The following PDZRN3 variants were observed in gnomAD, a reference collection of about 807,000 sequenced individuals.
The protein encoded by PDZRN3 is E3 ubiquitin-protein ligase PDZRN3.
A neutral mutation model predicts 85.7 loss-of-function variants in PDZRN3; 38 were observed. The ratio of observed to expected loss-of-function variants is 0.44; its 90% CI spans 0.34 to 0.58. PDZRN3 has a LOEUF of 0.58. PDZRN3 is among the 20% of genes least tolerant of loss of function. The pLI is 0.01. For synonymous variants in PDZRN3, 759 were observed against 638.0 expected (o/e 1.19, Z -2.86); for missense variants, 1,629 against 1,506.4 (o/e 1.08, Z -1.35).
chr3:73,579,834 G>C (rs1559746794), intron 3 of PDZRN3, among the ~76,000 whole-genome samples: 2 of 152,146 alleles, frequency 1.3e-5, no homozygotes, highest in Non-Finnish European at 2.9e-5. Flanking sequence ...GTCTCTGTGT[G>C]TGTGTGTGTG....
intron 3 of PDZRN3, among the ~76,000 whole-genome samples, chr3:73,463,339 G>A (rs775730469): frequency 2.6e-5 from 4 of 152,218 alleles, no homozygotes; most frequent in Non-Finnish European, 5.9e-5. Context: ...CTGAAAAGGT[G>A]TTGTCCCTGA....
intron 3 of PDZRN3, among the ~76,000 whole-genome samples, chr3:73,414,113 T>C (rs1702029238): frequency 6.6e-6 from 1 of 152,140 alleles, no homozygotes; most frequent in Non-Finnish European, 1.5e-5. Flanking sequence ...ACAAAAGTAA[T>C]GTCAGTCATG....
chr3:73,410,932 A>C (rs1366986171), intron 3 of PDZRN3, among the ~76,000 whole-genome samples: 1 of 152,212 alleles, frequency 6.6e-6, no homozygotes, highest in Admixed American at 6.5e-5. Context: ...ACAGGTGATA[A>C]TTTGAAGCAG....
intron 3 of PDZRN3, among the ~76,000 whole-genome samples, chr3:73,591,017 A>C (rs1040828625): frequency 6.6e-6 from 1 of 152,176 alleles, no homozygotes; most frequent in African/African-American, 2.4e-5. Context: ...GATCAAACTG[A>C]TATTTTGTCA....
intron 3 of PDZRN3, among the ~76,000 whole-genome samples, chr3:73,472,156 A>G (rs1703356538): frequency 6.6e-6 from 1 of 152,222 alleles, no homozygotes; most frequent in South Asian, 2.1e-4. Context: ...TTGGTGAGCG[A>G]GGCCAGTGCT....
intron 3 of PDZRN3, among the ~76,000 whole-genome samples, chr3:73,459,729 C>T (rs2106862319): frequency 6.6e-6 from 1 of 152,268 alleles, no homozygotes; most frequent in Admixed American, 6.5e-5. Flanking sequence ...GTATATGTAC[C>T]ACATTTTCTT....
chr3:73,395,129 C>T lies in PDZRN3; in HGVS notation c.1255-4013G>A, dbSNP rs149727941. On this transcript the variant is annotated intron_variant, in intron 5 of 9. Transcript: ENST00000263666. ...TTGCCTTGAGCAAGTCATTGAACTT[C>T]GACAAACTTAGCCATTCTGTGGTTT... Among the ~76,000 whole-genome samples, 5 of 152,282 alleles carry T rather than the reference C, an allele frequency of 3.3e-5. No individual in the cohort carries two copies. The East Asian group carries it at 5.8e-4, about 18-fold the overall frequency.
chr3:73,520,578 C>A (rs1230230521), intron 3 of PDZRN3, among the ~76,000 whole-genome samples: 1 of 152,136 alleles, frequency 6.6e-6, no homozygotes, highest in African/African-American at 2.4e-5. Context: ...GTCTTTACAG[C>A]CCAACCCTGA....
Position 73,624,899 on chromosome 3 carries a change from G to A in PDZRN3, c.-74C>T. On this transcript the variant is annotated 5_prime_UTR_variant, in exon 1 of 10. Transcript: ENST00000263666. ...CCCTCCCCACGAGGCGGCCCAGACAGGCCGGCTACGCCGCCCGCGCGCTCG... is the reference window on the plus strand; with the variant it reads ...CCCTCCCCACGAGGCGGCCCAGACAAGCCGGCTACGCCGCCCGCGCGCTCG... 1 of 1,164,070 alleles carries A rather than the reference G, an allele frequency of 8.6e-7. No homozygotes were observed. The highest frequency in any genetic ancestry group is 1.1e-6 in the Non-Finnish European group (1 of 923,196). The allele number at this position is 1,164,070 out of a possible 1,614,324, so 72.1% of individuals were successfully genotyped here.
chr3:73,609,411 C>T (rs1702650889), intron 1 of PDZRN3, among the ~76,000 whole-genome samples: 1 of 152,114 alleles, frequency 6.6e-6, no homozygotes, highest in African/African-American at 2.4e-5. Flanking sequence ...AACAGAGATG[C>T]CAGGGAGAGT....
intron 3 of PDZRN3, among the ~76,000 whole-genome samples, chr3:73,450,870 C>G (rs1289879006): frequency 1.3e-5 from 2 of 151,640 alleles, no homozygotes; most frequent in Non-Finnish European, 2.9e-5. Context: ...AATCAACAAT[C>G]AAAAAAGTTC....
chr3:73,605,951 G>T (rs1702594095), intron 2 of PDZRN3, among the ~76,000 whole-genome samples: 1 of 152,244 alleles, frequency 6.6e-6, no homozygotes, highest in African/African-American at 2.4e-5. Context: ...AAATAACTTA[G>T]ACATGCTCTT....
At chr3:73,542,820 C>T (rs1432871400) in intron 3 of PDZRN3, among the ~76,000 whole-genome samples, 1 of 152,042 alleles carries the variant, frequency 6.6e-6, no homozygotes, top group Non-Finnish European at 1.5e-5. Flanking sequence ...GACTCTCTTG[C>T]TGAAGATCAT....
chr3:73,497,097 C>G (rs990072622), intron 3 of PDZRN3, among the ~76,000 whole-genome samples: 1 of 152,146 alleles, frequency 6.6e-6, no homozygotes, highest in Non-Finnish European at 1.5e-5. Flanking sequence ...GTAAATACTA[C>G]AGAGTATTTC....
At chr3:73,418,827 C>A (rs546238638) in intron 3 of PDZRN3, among the ~76,000 whole-genome samples, 1 of 152,170 alleles carries the variant, frequency 6.6e-6, no homozygotes, top group South Asian at 2.1e-4. Flanking sequence ...GCCTTGCCTG[C>A]GTTCACCTGG....
chr3:73,567,026 A>G (rs979792441), intron 3 of PDZRN3, among the ~76,000 whole-genome samples: 1 of 152,220 alleles, frequency 6.6e-6, no homozygotes, highest in Non-Finnish European at 1.5e-5. Context: ...AATCTCTATT[A>G]CTTGTAGCCC....
chr3:73,391,243 C>A, intron 5 of PDZRN3, 127 bp from the exon 6 acceptor site: 1 of 620,474 alleles, frequency 1.6e-6, no homozygotes, highest in Non-Finnish European at 2.9e-6. Context: ...TGTGTAGGGC[C>A]GGTTAACTTA....
intron 1 of PDZRN3, among the ~76,000 whole-genome samples, chr3:73,611,555 A>G (rs1702685932): frequency 6.6e-6 from 1 of 152,190 alleles, no homozygotes; most frequent in Admixed American, 6.5e-5. Flanking sequence ...TGCATTGCCT[A>G]TTTTAGAGTT....
At chr3:73,425,711 G>T (rs116761816) in intron 3 of PDZRN3, among the ~76,000 whole-genome samples, 1,645 of 152,050 alleles carry the variant, frequency 0.011, 29 homozygotes, top group African/African-American at 0.038. Context: ...CTCATTTAGG[G>T]GCAATCTTTA....
Sources: allele counts gnomAD v4.1 joint callset (sites outside exome capture counted in the v4.1 genomes callset), GRCh38; gene constraint gnomAD v4.1.1; transcripts MANE v1.5; gene names NCBI Gene and HGNC (gene_info 2026-07-23, HGNC 2026-07-21).